RHBDL1: variants seen among roughly 807,000 people sequenced by gnomAD.
RHBDL1 encodes rhomboid-related protein 1.
A neutral mutation model predicts 34.0 loss-of-function variants in RHBDL1; 21 were observed. The observed-to-expected ratio is 0.62, with a 90% CI of 0.44 to 0.89. RHBDL1 has a LOEUF of 0.89. Ranked by LOEUF, RHBDL1 falls within the 40% of genes least tolerant of loss-of-function variation. The pLI is 0.00. For synonymous variants in RHBDL1, 268 were observed against 234.8 expected (o/e 1.14, Z -1.29); for missense variants, 450 against 530.6 (o/e 0.85, Z 1.49).
rs537515328 is a variant in RHBDL1 at position 676,150 on chromosome 16, G to C, written c.40-186G>C. ...AACAACTGAGGAGCTGGAGGACTGG[G>C]ACCCAGGCACCAGTGCCCTGCCAGC... On this transcript the variant is annotated intron_variant, in intron 1 of 7. Coordinates refer to ENST00000352681, the MANE Select transcript of RHBDL1 (RefSeq NM_001278720.2). The surrounding 1 kb of genome is among the most constrained non-coding windows in gnomAD (Gnocchi z 6.9). The C allele has an allele frequency of 4.1e-6, 6 of 1,471,788 alleles. No individual in the cohort carries two copies. In the South Asian group the frequency reaches 8.3e-5, roughly 20 times the overall value. The allele number at this position is 1,471,788 out of a possible 1,614,324, so 91.2% of individuals were successfully genotyped here.
At position 675,816 on chromosome 16, in the gene RHBDL1, T is replaced by C; in HGVS notation, c.26T>C (p.Leu9Pro). 6.6e-7 allele frequency: 1 copy of C among 1,514,724 alleles called. No homozygotes were observed. The highest frequency in any genetic ancestry group is 8.8e-7 in the Non-Finnish European group (1 of 1,134,626). The allele number at this position is 1,514,724 out of a possible 1,614,324, so 93.8% of individuals were successfully genotyped here. A position where few individuals can be genotyped will look rare whatever the true frequency, so the allele number is the denominator to read the frequency against. The change falls in exon 1 of 8, where the codon CTC becomes CCC. Residue 9 changes from leucine to proline, a missense_variant. Physicochemically the swap from Leu to Pro is moderately conservative, Grantham distance 98. Coordinates refer to ENST00000352681, the MANE Select transcript of RHBDL1 (RefSeq NM_001278720.2). MDRSSLLQ[L>P]IQEQQLDPEN... ...ATGGACAGGAGCTCGCTGCTGCAGC[T>C]CATCCAGGAGCAGGTGCGTCGGGGG...
Position 678,174 on chromosome 16 carries a change from G to T in RHBDL1, c.*122G>T, listed in dbSNP as rs1281351858. 2.2e-5 allele frequency: 31 copies of T among 1,398,512 alleles called. No homozygotes were observed. The highest frequency in any genetic ancestry group is 2.7e-5 in the Non-Finnish European group (29 of 1,082,662). 86.6% of individuals were successfully genotyped at this position (1,398,512 alleles called of 1,614,324 possible). A position where few individuals can be genotyped will look rare whatever the true frequency, so the allele number is the denominator to read the frequency against. On this transcript the variant is annotated 3_prime_UTR_variant, in exon 8 of 8. Coordinates refer to ENST00000352681, the MANE Select transcript of RHBDL1 (RefSeq NM_001278720.2). ...CTGCTGTGCCCCTTGGGTGTGGGTG[G>T]CCTCAAAGGAGGCCCTGTCCCAGCC... is the stretch of plus-strand genomic sequence containing the variant.
At chr16:677,221 G>A (rs985557506) in intron 4 of RHBDL1, 55 bp from the exon 5 acceptor site, 3 of 1,558,206 alleles carry the variant, frequency 1.9e-6, no homozygotes, top group Admixed American at 1.9e-5. Flanking sequence ...ACGGCTGGGG[G>A]TGGGGCCGGA....
rs746738077 is a variant in RHBDL1, at chr16:678,085, G to T, written c.*33G>T. The T allele has an allele frequency of 1.3e-6, 2 of 1,505,334 alleles. No homozygotes were observed. The highest frequency in any genetic ancestry group is 1.3e-5 in the South Asian group (1 of 76,922). 93.2% of individuals were successfully genotyped at this position (1,505,334 alleles called of 1,614,324 possible). A position where few individuals can be genotyped will look rare whatever the true frequency, so the allele number is the denominator to read the frequency against. On this transcript the variant is annotated 3_prime_UTR_variant, in exon 8 of 8. Transcript: ENST00000352681. ...CCTGAGGCTGCACAGGCCAGGGCTC[G>T]GGCATGTGGTGGCCGCCCACCAGGG...
In RHBDL1 at chr16:676,976, C is replaced by A. The variant is rs755121667; in HGVS notation, c.432C>A (p.Ile144=). The change falls in exon 4 of 8, where the codon ATC becomes ATA. Residue 144 remains isoleucine (I), a synonymous_variant. Transcript: ENST00000352681. The surrounding 1 kb of genome is among the most constrained non-coding windows in gnomAD (Gnocchi z 6.9). ...CCTAACACTCGTGTCCCCAGATCAT[C>A]GTGTTCCTGTGTTACGGGGCCCGCC... ...FMASVTLAQI[I]VFLCYGARLN... 1.2e-6 allele frequency: 2 copies of A among 1,612,288 alleles called. No homozygotes were observed. Among genetic ancestry groups the A allele is most frequent in the African/African-American group, 2.7e-5 (2 of 74,878 alleles).
intron 4 of RHBDL1, 64 bp downstream of exon 4, chr16:677,183 C>T (rs997909109): frequency 4.1e-5 from 65 of 1,579,610 alleles, no homozygotes; most frequent in East Asian, 1.6e-4. Context: ...AAGGCTTAGC[C>T]GCAAGGCAGG....
chr16:676,590 T>C lies in RHBDL1; in HGVS notation c.202-82T>C. 6.3e-7 allele frequency: 1 copy of C among 1,579,064 alleles called. No homozygotes were observed. Among genetic ancestry groups the C allele is most frequent in the Admixed American group, 1.7e-5 (1 of 58,952 alleles). On this transcript the variant is annotated intron_variant, in intron 2 of 7. Transcript: ENST00000352681. The surrounding 1 kb of genome is among the most constrained non-coding windows in gnomAD (Gnocchi z 6.9). ...CTCACGGCGGTGGGTGGGGGGCTTG[T>C]GGATGCGGGGAGCTGGGTGAGCCTC...
In RHBDL1 at chr16:676,764, A is replaced by G. The variant is rs765806042; in HGVS notation, c.294A>G (p.Leu98=). 6.2e-7 allele frequency: 1 copy of G among 1,611,294 alleles called. No individual in the cohort carries two copies. Among genetic ancestry groups the G allele is most frequent in the Non-Finnish European group, 8.5e-7 (1 of 1,179,644 alleles). Reference sequence around the variant, plus strand: ...ACGGGCCGCTGGATGAGCCAGGCCTAGGTGTCTACAAGCGGTTTGTGCGTT... The same window carrying G: ...ACGGGCCGCTGGATGAGCCAGGCCTGGGTGTCTACAAGCGGTTTGTGCGTT... The part of the protein sequence containing the change: ...PRDGPLDEPG[L]GVYKRFVRYV... The change falls in exon 3 of 8, where the codon CTA becomes CTG. Residue 98 remains leucine, a synonymous_variant. Coordinates refer to ENST00000352681, the MANE Select transcript of RHBDL1 (RefSeq NM_001278720.2). The surrounding 1 kb of genome is among the most constrained non-coding windows in gnomAD (Gnocchi z 6.9).
chr16:676,084 T>C lies in RHBDL1; in HGVS notation c.40-252T>C. 6.9e-7 allele frequency: 1 copy of C among 1,440,080 alleles called. No homozygotes were observed. Among genetic ancestry groups the C allele is most frequent in the Non-Finnish European group, 9.2e-7 (1 of 1,092,790 alleles). 89.2% of individuals were successfully genotyped at this position (1,440,080 alleles called of 1,614,324 possible). On this transcript the variant is annotated intron_variant, in intron 1 of 7. Transcript: ENST00000352681. This position sits in a 1 kb window ranked among gnomAD's most constrained non-coding sequence, Gnocchi z 6.9. The stretch of plus-strand genomic sequence containing the variant: ...CGGGCAGCTGGCTGGTCTTGGACCT[T>C]GGCCCTCGCTTTCCAGGATGGGTAG...
Position 677,288 on chromosome 16 carries a change from G to T in RHBDL1, c.588G>T (p.Leu196=). ...YMFMHVGLEQ[L]GFNALLQLMI... is the part of the protein sequence containing the mutation. Reference sequence around the variant, plus strand: ...TCCCTGTGGCCAGGCTGGAGCAGCTGGGGTTCAACGCCCTCCTGCAGCTGA... The same window carrying T: ...TCCCTGTGGCCAGGCTGGAGCAGCTTGGGTTCAACGCCCTCCTGCAGCTGA... Residue 196 remains leucine, a synonymous_variant, in exon 5 of 8, where the codon CTG becomes CTT. Coordinates refer to ENST00000352681, the MANE Select transcript of RHBDL1 (RefSeq NM_001278720.2). 1 of 1,566,754 alleles carries T rather than the reference G, an allele frequency of 6.4e-7. No homozygotes were observed. Among genetic ancestry groups the T allele is most frequent in the East Asian group, 2.4e-5 (1 of 41,798 alleles).
Position 676,902 on chromosome 16 carries a change from C to T in RHBDL1, c.426+6C>T, listed in dbSNP as rs199720411. ...CCTCGGTCACTCTTGCCCAGGTGGG[C>T]CCCCCGGCCGCTGCCCCGGGAGCCT... is the stretch of plus-strand genomic sequence containing the variant. On this transcript the variant is annotated splice_donor_region_variant and intron_variant, in intron 3 of 7. Transcript: ENST00000352681. The surrounding 1 kb of genome is among the most constrained non-coding windows in gnomAD (Gnocchi z 6.9). 1.2e-6 allele frequency: 2 copies of T among 1,611,178 alleles called. No individual in the cohort carries two copies. Among genetic ancestry groups the T allele is most frequent in the South Asian group, 1.1e-5 (1 of 91,014 alleles).
Position 676,449 on chromosome 16 carries a change from T to C in RHBDL1, c.153T>C (p.Ala51=). Residue 51 remains alanine, a synonymous_variant, in exon 2 of 8, where the codon GCT becomes GCC. Transcript: ENST00000352681. The surrounding 1 kb of genome is among the most constrained non-coding windows in gnomAD (Gnocchi z 6.9). ...PAKLDMLVAL[A]QSNEQGQVCY... ...AGCTGGACATGCTGGTGGCCCTGGC[T>C]CAGAGCAACGAGCAGGGCCAGGTCT... 6.2e-7 allele frequency: 1 copy of C among 1,604,790 alleles called. No individual in the cohort carries two copies. The highest frequency in any genetic ancestry group is 1.1e-5 in the South Asian group (1 of 90,494).
At position 677,826 on chromosome 16, in the gene RHBDL1, C is replaced by T. The variant is rs748477714; in HGVS notation, c.896C>T (p.Pro299Leu). Residue 299 changes from proline to leucine, a missense_variant, in exon 8 of 8, where the codon CCG (proline) becomes CTG (leucine). Coordinates refer to ENST00000352681, the MANE Select transcript of RHBDL1 (RefSeq NM_001278720.2). Reference sequence around the variant, plus strand: ...GCCGTGTGGCTGCGCTTCTCCCCGCCGCTGCCCGCCTCGGGCCCACAGCCC... The same window carrying T: ...GCCGTGTGGCTGCGCTTCTCCCCGCTGCTGCCCGCCTCGGGCCCACAGCCC... ...GRAVWLRFSP[P>L]LPASGPQPSF... 3.2e-6 allele frequency: 5 copies of T among 1,579,444 alleles called. No homozygotes were observed. Among genetic ancestry groups the T allele is most frequent in the South Asian group, 1.1e-5 (1 of 88,338 alleles).
At position 677,489 on chromosome 16, in the gene RHBDL1, G is replaced by C. The variant is rs1012016793; in HGVS notation, c.719G>C (p.Arg240Pro). The C allele has an allele frequency of 1.2e-6, 2 of 1,608,596 alleles. No homozygotes were observed. Among genetic ancestry groups the C allele is most frequent in the Non-Finnish European group, 1.7e-6 (2 of 1,179,644 alleles). The change falls in exon 6 of 8, where the codon CGG becomes CCG. Residue 240 changes from arginine (R) to proline (P), a missense_variant. Arg to Pro is a moderately radical substitution (Grantham distance 103). Transcript: ENST00000352681. ...CTAACCGTCTCCATCACCGACATGC[G>C]GGCCCCGGTGGTGGGAGGCTCCGGC... ...GSLTVSITDM[R>P]APVVGGSGGV...
chr16:675,881 C>G (rs1450750978), intron 1 of RHBDL1, 52 bp downstream of exon 1: 1 of 1,473,156 alleles, frequency 6.8e-7, no homozygotes, highest in Non-Finnish European at 9.0e-7. Flanking sequence ...TGCGGCCCTC[C>G]TGCCGCTGAG....
chr16:677,882 G>A lies in RHBDL1; in HGVS notation c.952G>A (p.Val318Met). 6.3e-7 allele frequency: 1 copy of A among 1,599,238 alleles called. No individual in the cohort carries two copies. The highest frequency in any genetic ancestry group is 1.1e-5 in the South Asian group (1 of 90,660). The change falls in exon 8 of 8, where the codon GTG becomes ATG. Residue 318 changes from valine to methionine, a missense_variant. Val to Met is a conservative substitution (Grantham distance 21). Transcript: ENST00000352681. ...SFMAHLAGAV[V>M]GVSMGLTILR... ...CATGGCGCACCTGGCAGGCGCGGTG[G>A]TGGGGGTGAGCATGGGCCTGACCAT...
At position 677,681 on chromosome 16, in the gene RHBDL1, G is replaced by T; in HGVS notation, c.832G>T (p.Val278Leu). 4 of 1,550,158 alleles carry T rather than the reference G, an allele frequency of 2.6e-6. No homozygotes were observed. Among genetic ancestry groups the T allele is most frequent in the Non-Finnish European group, 3.5e-6 (4 of 1,146,466 alleles). Reference protein sequence around the residue: ...MRCPYKLLRMVLALVCMSSEV... With the variant: ...MRCPYKLLRMLLALVCMSSEV... ...ATGTCCCTACAAGTTGCTGAGGATG[G>T]TGCTGGCCTTGGTGTGCAGTGAGTA... Residue 278 changes from valine (V) to leucine (L), a missense_variant, in exon 7 of 8, where the codon GTG becomes TTG. Val to Leu is a conservative substitution (Grantham distance 32). Coordinates refer to ENST00000352681, the MANE Select transcript of RHBDL1 (RefSeq NM_001278720.2).
In RHBDL1 at chr16:675,757, G is replaced by GCCGACCCCGGACCCCGGCCC. The variant is rs2039520794; in HGVS notation, c.-30_-11dup. The GCCGACCCCGGACCCCGGCCC allele has an allele frequency of 3.5e-6, 5 of 1,423,808 alleles. No homozygotes were observed. Among genetic ancestry groups the GCCGACCCCGGACCCCGGCCC allele is most frequent in the East Asian group, 3.0e-5 (1 of 33,324 alleles). 88.2% of individuals were successfully genotyped at this position (1,423,808 alleles called of 1,614,324 possible). On this transcript the variant is annotated 5_prime_UTR_variant, in exon 1 of 8. Transcript: ENST00000352681. ...AGAGCAGCCCCTCCCGGCCGCGGCC[G>GCCGACCCCGGACCCCGGCCC]CCGACCCCGGACCCCGGCCCCCGGC...
At position 676,338 on chromosome 16, in the gene RHBDL1, G is replaced by T. The variant is rs1390409004; in HGVS notation, c.42G>T (p.Gln14His). 4.3e-6 allele frequency: 7 copies of T among 1,609,908 alleles called. No homozygotes were observed. Among genetic ancestry groups the T allele is most frequent in the Non-Finnish European group, 5.9e-6 (7 of 1,178,962 alleles). The change falls in exon 2 of 8, where the codon CAG becomes CAT. Residue 14 changes from glutamine to histidine, a missense_variant and splice_region_variant. Gln to His is a conservative substitution (Grantham distance 24). Coordinates refer to ENST00000352681, the MANE Select transcript of RHBDL1 (RefSeq NM_001278720.2). This position sits in a 1 kb window ranked among gnomAD's most constrained non-coding sequence, Gnocchi z 6.9. Reference sequence around the variant, plus strand: ...TGGCTGGCGGCTCCTCACTGCAGCAGCTGGACCCCGAGAACACAGGCTTCA... The same window carrying T: ...TGGCTGGCGGCTCCTCACTGCAGCATCTGGACCCCGAGAACACAGGCTTCA... ...SSLLQLIQEQ[Q>H]LDPENTGFIG...
Sources: gnomAD v4.1 joint callset for allele counts on GRCh38, gnomAD v4.1.1 for gene constraint, Gnocchi (gnomAD v3.1) non-coding constraint, MANE v1.5 for transcripts, NCBI Gene and HGNC (gene_info 2026-07-23, HGNC 2026-07-21) for gene names.